MAP4K4: variants seen among roughly 807,000 people sequenced by gnomAD.
MAP4K4 encodes HPK/GCK-like kinase HGK.
In MAP4K4, 38 loss-of-function variants were observed where a neutral mutation model predicts 189.6. The observed-to-expected ratio is 0.20, with a 90% CI of 0.15 to 0.26. The LOEUF is 0.26. Among genes scored for constraint, MAP4K4 ranks in the 10% least tolerant of loss-of-function variants. The pLI is 1.00. For synonymous variants in MAP4K4, 610 were observed against 624.3 expected, an observed-to-expected ratio of 0.98 and a Z score of 0.34; for missense variants, 1,054 against 1,726.9, an observed-to-expected ratio of 0.61 and a Z score of 6.91.
chr2:101,839,748 T>C (rs1395515769), intron 9 of MAP4K4, 71 bp from the exon 10 acceptor site: 1 of 1,175,622 alleles, frequency 8.5e-7, no homozygotes, highest in Non-Finnish European at 1.2e-6. Context: ...TGTTGAGGCT[T>C]GTAAGTTACT....
chr2:101,891,339 C>G, exon 33 of MAP4K4: 1 of 1,096,424 alleles, frequency 9.1e-7, no homozygotes, highest in South Asian at 1.3e-5. Context: ...GGAGCTGCAC[C>G]GAGGGCAACC....
intron 2 of MAP4K4, among the ~76,000 whole-genome samples, chr2:101,756,863 A>G (rs1369136941): frequency 6.6e-6 from 1 of 151,964 alleles, no homozygotes; most frequent in Non-Finnish European, 1.5e-5. Context: ...TGCTGCACCA[A>G]GCCATTACAG....
intron 2 of MAP4K4, among the ~76,000 whole-genome samples, chr2:101,724,194 A>G (rs1229984059): frequency 4.6e-5 from 7 of 152,188 alleles, no homozygotes; most frequent in African/African-American, 9.7e-5. Flanking sequence ...CAGCCAACCA[A>G]TCAGTGTGCA....
At chr2:101,894,066 T>C (rs139834300) in exon 33 of MAP4K4, 2 of 152,388 alleles carry the variant, frequency 1.3e-5, no homozygotes, top group South Asian at 4.1e-4. Context: ...CGTTAAAGAT[T>C]GGGAGTCGTC....
chr2:101,849,547 A>G lies in MAP4K4; in HGVS notation c.1233+5236A>G, dbSNP rs539013889. 1.3e-4 allele frequency among the ~76,000 whole-genome samples: 19 copies of G among 146,910 alleles called. 1 individual carries two copies. In the South Asian group the frequency reaches 3.9e-3, roughly 30 times the overall value. On this transcript the variant is annotated intron_variant, in intron 12 of 32. Transcript: ENST00000324219. ...TGTTCACAAGCCAACCTTTTCTTCC[A>G]TCTAGTATTTATTTGCTTTTTAGGA... is the stretch of plus-strand genomic sequence containing the variant.
exon 33 of MAP4K4, chr2:101,891,309 A>G: frequency 6.8e-7 from 1 of 1,463,142 alleles, no homozygotes; most frequent in East Asian, 2.3e-5. Context: ...AGAACTTGGA[A>G]TTCCTTGTAA....
At chr2:101,769,882 C>G (rs868338698) in intron 2 of MAP4K4, among the ~76,000 whole-genome samples, 1 of 152,092 alleles carries the variant, frequency 6.6e-6, no homozygotes, top group Non-Finnish European at 1.5e-5. Flanking sequence ...GTGCCCGGCC[C>G]AGAAATGTCT....
chr2:101,721,592 T>A, intron 2 of MAP4K4, among the ~76,000 whole-genome samples: 1 of 152,058 alleles, frequency 6.6e-6, no homozygotes, highest in South Asian at 2.1e-4. Context: ...CACGCCACCA[T>A]GCCTGGCTAA....
chr2:101,737,988 C>T (rs1482711916), intron 2 of MAP4K4, among the ~76,000 whole-genome samples: 3 of 152,122 alleles, frequency 2.0e-5, no homozygotes, highest in Non-Finnish European at 2.9e-5. Context: ...GGAGAGGTTA[C>T]CTAACATGCT....
At chr2:101,769,668 C>T (rs1296130563) in intron 2 of MAP4K4, among the ~76,000 whole-genome samples, 1 of 151,940 alleles carries the variant, frequency 6.6e-6, no homozygotes, top group African/African-American at 2.4e-5. Context: ...ACTGCAACCT[C>T]TGCCTCCTGG....
intron 27 of MAP4K4, among the ~76,000 whole-genome samples, chr2:101,879,220 TTAATAA>T (rs2098306805): frequency 6.9e-6 from 1 of 144,832 alleles, no homozygotes; most frequent in African/African-American, 2.5e-5. Context: ...AAAAAAAAAA[TTAATAA>T]TTATAATCAG....
At chr2:101,848,048 C>G (rs900672643) in intron 12 of MAP4K4, among the ~76,000 whole-genome samples, 4 of 152,182 alleles carry the variant, frequency 2.6e-5, no homozygotes, top group South Asian at 4.1e-4. Flanking sequence ...ATAGGCTACA[C>G]CATATGGCCT....
chr2:101,870,112 A>G (rs2097939459), intron 22 of MAP4K4, 183 bp from the exon 23 acceptor site: 1 of 673,576 alleles, frequency 1.5e-6, no homozygotes, highest in Non-Finnish European at 2.4e-6. Context: ...TTTGCTCAGA[A>G]ACAAATGGCA....
At chr2:101,835,336 T>C (rs912591198) in intron 8 of MAP4K4, among the ~76,000 whole-genome samples, 17 of 152,232 alleles carry the variant, frequency 1.1e-4, no homozygotes, top group African/African-American at 3.9e-4. Flanking sequence ...TTGCATATGG[T>C]GATGTAGTAA....
chr2:101,831,731 T>C (rs1210676400), exon 7 of MAP4K4: 6 of 1,598,520 alleles, frequency 3.8e-6, no homozygotes, highest in Non-Finnish European at 5.1e-6. Flanking sequence ...TTGACTTTGG[T>C]GTGAGTGCTC....
intron 3 of MAP4K4, chr2:101,797,231 G>T (rs1189271185): frequency 7.8e-7 from 1 of 1,290,258 alleles, no homozygotes; most frequent in Non-Finnish European, 1.0e-6. Flanking sequence ...GGGACCTATT[G>T]TTCTATTCTG....
chr2:101,759,575 T>C (rs1404265907), intron 2 of MAP4K4, among the ~76,000 whole-genome samples: 1 of 12,008 alleles, frequency 8.3e-5, no homozygotes, highest in Non-Finnish European at 1.3e-4. Flanking sequence ...ATTCCCCTCC[T>C]CTCTCCCCTC....
intron 2 of MAP4K4, among the ~76,000 whole-genome samples, chr2:101,714,912 A>C (rs2047597866): frequency 6.6e-6 from 1 of 152,184 alleles, no homozygotes; most frequent in South Asian, 2.1e-4. Flanking sequence ...TTGCCACCCA[A>C]CTTTTCTTCT....
chr2:101,815,777 C>A (rs1197474339), intron 3 of MAP4K4, among the ~76,000 whole-genome samples: 1 of 152,156 alleles, frequency 6.6e-6, no homozygotes, highest in African/African-American at 2.4e-5. Context: ...TCTTCTGAGT[C>A]CTGTGAATGA....
Sources: allele counts gnomAD v4.1 joint callset (sites outside exome capture counted in the v4.1 genomes callset), GRCh38; gene constraint gnomAD v4.1.1; transcripts MANE v1.5; gene names NCBI Gene and HGNC (gene_info 2026-07-23, HGNC 2026-07-21).